Variants in SFI1 observed in about 807,000 individuals in gnomAD.
The protein encoded by SFI1 is protein SFI1 homolog.
SFI1 carries 195 observed loss-of-function variants against 207.5 expected under a neutral mutation model. The observed-to-expected ratio is 0.94, with a 90% CI of 0.84 to 1.06. The LOEUF (loss-of-function observed/expected upper bound fraction) is 1.06, where lower values mean the gene tolerates loss of function less well. Ranked by LOEUF, SFI1 falls within the 50% of genes least tolerant of loss-of-function variation. The pLI is 0.00. For synonymous variants in SFI1, 630 were observed against 598.9 expected, an observed-to-expected ratio of 1.05 and a Z score of -0.76; for missense variants, 1,634 against 1,588.0, an observed-to-expected ratio of 1.03 and a Z score of -0.49.
intron 6 of SFI1, among the ~76,000 whole-genome samples, chr22:31,555,549 A>G (rs908150461): frequency 6.6e-6 from 1 of 152,216 alleles, no homozygotes; most frequent in Non-Finnish European, 1.5e-5. Context: ...ATCATGGCAG[A>G]GACAGTTAAT....
At position 31,602,488 on chromosome 22, in the gene SFI1, C is replaced by T. The variant is rs966318599; in HGVS notation, c.1627-119C>T. ...TACAGACAGCTTCTGGGCTGGACCA[C>T]GTCCTGACATCCATTCCTTTTGCCT... On this transcript the variant is annotated intron_variant, in intron 16 of 32. Coordinates refer to ENST00000400288, the MANE Select transcript of SFI1 (RefSeq NM_001007467.3). 27 of 1,288,004 alleles carry T rather than the reference C, an allele frequency of 2.1e-5. No individual in the cohort carries two copies. The African/African-American group carries it at 2.6e-4, about 13-fold the overall frequency. The allele number at this position is 1,288,004 out of a possible 1,614,324, so 79.8% of individuals were successfully genotyped here. A position where few individuals can be genotyped will look rare whatever the true frequency, so the allele number is the denominator to read the frequency against.
chr22:31,562,684 A>G (rs1177518412), intron 8 of SFI1, among the ~76,000 whole-genome samples: 1 of 151,552 alleles, frequency 6.6e-6, no homozygotes, highest in Non-Finnish European at 1.5e-5. Context: ...CCCAGGCTGG[A>G]GTGGAGTGGC....
chr22:31,499,341 T>A (rs1459358893), intron 1 of SFI1, among the ~76,000 whole-genome samples: 2 of 152,092 alleles, frequency 1.3e-5, no homozygotes, highest in Non-Finnish European at 2.9e-5. Flanking sequence ...ATTACAGGCA[T>A]GTGTCACCAC....
At position 31,613,198 on chromosome 22, in the gene SFI1, C is replaced by A. The variant is rs199615475; in HGVS notation, c.2547C>A (p.Ala849=). The change falls in exon 25 of 33, where the codon GCC becomes GCA. Residue 849 remains alanine (A), a synonymous_variant. Coordinates refer to ENST00000400288, the MANE Select transcript of SFI1 (RefSeq NM_001007467.3). ...RATVRALWFW[A]FSLQAKVWAT... is the part of the protein sequence containing the mutation. ...CAGTGCGGGCCCTGTGGTTCTGGGC[C>A]TTCTCGCTGCAGGCAAAGGTAATTG... 5.0e-6 allele frequency: 8 copies of A among 1,613,840 alleles called. No homozygotes were observed. The African/African-American group carries it at 8.0e-5, about 16-fold the overall frequency.
Position 31,613,481 on chromosome 22 carries a change from C to T in SFI1, c.2693C>T (p.Ala898Val). 1 of 1,599,594 alleles carries T rather than the reference C, an allele frequency of 6.3e-7. No individual in the cohort carries two copies. The highest frequency in any genetic ancestry group is 1.1e-5 in the South Asian group (1 of 90,472). The change falls in exon 26 of 33, where the codon GCC (alanine) becomes GTC (valine). Residue 898 changes from alanine (A) to valine (V), a missense_variant. Transcript: ENST00000400288. ...EGATRLLRFA[A>V]SMKASRQQLQ... ...GCCACGCGGCTCCTGCGCTTTGCAG[C>T]CAGCATGAAGGCCTCCCGGCAGCAG...
chr22:31,585,888 C>T (rs1474411386), intron 14 of SFI1, among the ~76,000 whole-genome samples: 1 of 152,164 alleles, frequency 6.6e-6, no homozygotes, highest in African/African-American at 2.4e-5. Context: ...GGCAGTGAAA[C>T]AGAGGAAGAC....
chr22:31,602,079 C>T, intron 15 of SFI1, 133 bp from the exon 16 acceptor site: 1 of 762,306 alleles, frequency 1.3e-6, no homozygotes, highest in South Asian at 1.7e-5. Context: ...GCCACTGTGC[C>T]CAGCCACTTA....
At chr22:31,594,490 G>T (rs1243816484) in intron 15 of SFI1, among the ~76,000 whole-genome samples, 2 of 147,336 alleles carry the variant, frequency 1.4e-5, no homozygotes, top group African/African-American at 2.5e-5. Flanking sequence ...GGAGGTTGCC[G>T]TGAGCTGAGA....
chr22:31,571,619 C>G (rs1165745645), intron 8 of SFI1, among the ~76,000 whole-genome samples: 1 of 152,062 alleles, frequency 6.6e-6, no homozygotes, highest in African/African-American at 2.4e-5. Flanking sequence ...CCCACCAACC[C>G]ATTGTTAACA....
chr22:31,550,958 C>T (rs2148009155), intron 6 of SFI1, among the ~76,000 whole-genome samples: 1 of 152,310 alleles, frequency 6.6e-6, no homozygotes, highest in East Asian at 1.9e-4. Flanking sequence ...ACCTGCTGTT[C>T]CTTTGACTCT....
At chr22:31,523,843 A>G (rs891951379) in intron 2 of SFI1, among the ~76,000 whole-genome samples, 4 of 152,006 alleles carry the variant, frequency 2.6e-5, no homozygotes, top group African/African-American at 4.8e-5. Context: ...TATTTCTACT[A>G]TTCTACTCTT....
intron 15 of SFI1, among the ~76,000 whole-genome samples, chr22:31,592,861 A>G (rs1603266442): frequency 9.9e-6 from 1 of 100,628 alleles, no homozygotes; most frequent in Non-Finnish European, 2.0e-5. Context: ...GGGGGGGCTG[A>G]CCCCCCCATC....
chr22:31,614,847 G>A lies in SFI1; in HGVS notation c.3055G>A (p.Ala1019Thr), dbSNP rs767492117. The A allele has an allele frequency of 1.2e-5, 19 of 1,613,728 alleles. No individual in the cohort carries two copies. Among genetic ancestry groups the A allele is most frequent in the Non-Finnish European group, 1.2e-5 (14 of 1,180,024 alleles). ...ACGCCCACACTTCCTGTTGGAGCCTGCGCAGAGCCAGAGGTCCCTGGGGTG... is the reference window on the plus strand; with the variant it reads ...ACGCCCACACTTCCTGTTGGAGCCTACGCAGAGCCAGAGGTCCCTGGGGTG... The part of the protein sequence containing the change: ...PRRPHFLLEP[A>T]QSQRPQKPQE... The change falls in exon 28 of 33, where the codon GCG becomes ACG. Residue 1019 changes from alanine (A) to threonine (T), a missense_variant. Transcript: ENST00000400288.
intron 22 of SFI1, among the ~76,000 whole-genome samples, chr22:31,609,236 G>A (rs2069628808): frequency 6.6e-6 from 1 of 152,128 alleles, no homozygotes. Flanking sequence ...CTCACCTCGT[G>A]ATCCGTCCGT....
chr22:31,553,417 G>A (rs1467419359), intron 6 of SFI1, among the ~76,000 whole-genome samples: 5 of 151,378 alleles, frequency 3.3e-5, no homozygotes, highest in African/African-American at 4.9e-5. Flanking sequence ...GTGCAGTGGC[G>A]CAATCTCGGC....
At chr22:31,583,824 G>GTTTTACC (rs1314934854) in intron 12 of SFI1, 51 bp from the exon 13 acceptor site, 1 of 1,527,428 alleles carries the variant, frequency 6.5e-7, no homozygotes, top group East Asian at 2.2e-5. Context: ...AGGATTCACT[G>GTTTTACC]TTTTACCTTT....
At chr22:31,603,236 C>G (rs1320341878) in intron 17 of SFI1, among the ~76,000 whole-genome samples, 1 of 152,236 alleles carries the variant, frequency 6.6e-6, no homozygotes, top group South Asian at 2.1e-4. Context: ...CTGCCTCAAA[C>G]GAACAAAAGT....
intron 9 of SFI1, among the ~76,000 whole-genome samples, chr22:31,573,524 G>C (rs187530331): frequency 2.0e-5 from 3 of 149,900 alleles, no homozygotes; most frequent in Admixed American, 1.3e-4. Flanking sequence ...TGCAACCTCC[G>C]TCTCCTGGGT....
chr22:31,500,711 C>T (rs929318006), intron 1 of SFI1, among the ~76,000 whole-genome samples: 2 of 152,182 alleles, frequency 1.3e-5, no homozygotes, highest in Admixed American at 6.6e-5. Flanking sequence ...CCCGCCTGGG[C>T]CTCCCAAAGT....
Sources: gnomAD v4.1 joint callset for allele counts (sites outside exome capture counted in the v4.1 genomes callset) on GRCh38, gnomAD v4.1.1 for gene constraint, MANE v1.5 for transcripts, NCBI Gene and HGNC (gene_info 2026-07-23, HGNC 2026-07-21) for gene names.